CCDC174: variants seen among roughly 807,000 people sequenced by gnomAD.
CCDC174 encodes the protein coiled-coil domain-containing protein 174.
A neutral mutation model predicts 57.1 loss-of-function variants in CCDC174; 37 were observed. The observed-to-expected ratio is 0.65, with a 90% confidence interval of 0.50 to 0.85. CCDC174 has a LOEUF of 0.85. CCDC174 is among the 40% of genes least tolerant of loss of function. CCDC174 has a pLI of 0.00. For missense variants in CCDC174, 540 were observed against 574.3 expected, an observed-to-expected ratio of 0.94 and a Z score of 0.61; for synonymous variants, 182 against 190.2, an observed-to-expected ratio of 0.96 and a Z score of 0.35.
At chr3:14,653,658 T>TATTA (rs781259584) in intron 1 of CCDC174, among the ~76,000 whole-genome samples, 4 of 152,344 alleles carry the variant, frequency 2.6e-5, no homozygotes, top group Non-Finnish European at 2.9e-5. Flanking sequence ...AAGGTACTAA[T>TATTA]ATTCACCCAA....
At chr3:14,665,874 C>CA (rs376959519) in intron 6 of CCDC174, among the ~76,000 whole-genome samples, 68 of 141,550 alleles carry the variant, frequency 4.8e-4, no homozygotes, top group South Asian at 1.4e-3. Flanking sequence ...ACTGAAAATA[C>CA]AAAAAAAAAA....
rs1294970122 is a variant in CCDC174 at position 14,654,549 on chromosome 3, T to C, written c.147+19T>C. 8.5e-7 allele frequency: 1 copy of C among 1,171,338 alleles called. No homozygotes were observed. Among genetic ancestry groups the C allele is most frequent in the South Asian group, 1.3e-5 (1 of 76,210 alleles). 72.6% of individuals were successfully genotyped at this position (1,171,338 alleles called of 1,614,324 possible). On this transcript the variant is annotated intron_variant, in intron 2 of 10. Coordinates refer to ENST00000383794, the MANE Select transcript of CCDC174 (RefSeq NM_016474.5). ...TAACAAGGTAAAAAATAAGATCTAA[T>C]TATCTCCATTGGTTCCAAACATGGG...
chr3:14,657,672 A>G (rs549564950), intron 3 of CCDC174, among the ~76,000 whole-genome samples: 1 of 152,100 alleles, frequency 6.6e-6, no homozygotes, highest in Admixed American at 6.5e-5. Context: ...TCTATTTTGC[A>G]CCATTCTCTA....
rs2031131378 is a variant in CCDC174 at position 14,661,451 on chromosome 3, C to T, written c.308-79C>T. The T allele has an allele frequency of 1.5e-5, 19 of 1,233,604 alleles. No individual in the cohort carries two copies. In the East Asian group the frequency reaches 4.5e-4, roughly 29 times the overall value. The allele number at this position is 1,233,604 out of a possible 1,614,324, so 76.4% of individuals were successfully genotyped here. On this transcript the variant is annotated intron_variant, in intron 4 of 10. Transcript: ENST00000383794. ...TGTCAGGGGTGATGGGGCCACCAGG[C>T]AATGAATGTGACTGCTTCTTGTCCA...
Position 14,666,951 on chromosome 3 carries a change from T to C in CCDC174, c.724+4T>C. The C allele has an allele frequency of 6.4e-7, 1 of 1,571,852 alleles. No homozygotes were observed. The highest frequency in any genetic ancestry group is 8.6e-7 in the Non-Finnish European group (1 of 1,166,900). On this transcript the variant is annotated splice_donor_region_variant and intron_variant, in intron 7 of 10. Transcript: ENST00000383794. ...TATGAAGACATTCGGGAAAATGGTA[T>C]GACTATTTTCTTGCAGCTTTGCAAA...
intron 4 of CCDC174, 105 bp downstream of exon 4, chr3:14,659,034 C>T (rs996839068): frequency 2.6e-5 from 29 of 1,128,864 alleles, no homozygotes; most frequent in Admixed American, 9.6e-5. Flanking sequence ...AAAATTTAGA[C>T]GTCAAAATTT....
chr3:14,668,131 A>C lies in CCDC174; in HGVS notation c.902A>C (p.Gln301Pro). 6.2e-7 allele frequency: 1 copy of C among 1,610,670 alleles called. No homozygotes were observed. Among genetic ancestry groups the C allele is most frequent in the South Asian group, 1.1e-5 (1 of 90,366 alleles). Residue 301 changes from glutamine (Q) to proline (P), a missense_variant, in exon 9 of 11, where the codon CAA becomes CCA. Coordinates refer to ENST00000383794, the MANE Select transcript of CCDC174 (RefSeq NM_016474.5). ...GAGGCAAGACTTGCCAAACTTCGAC[A>C]AAAAAAGATGAAAAAATCAAAAGAA... ...ILEARLAKLR[Q>P]KKMKKSKEGG... is the part of the protein sequence containing the mutation.
chr3:14,665,205 T>A, intron 6 of CCDC174, 82 bp downstream of exon 6: 1 of 920,366 alleles, frequency 1.1e-6, no homozygotes, highest in Non-Finnish European at 1.8e-6. Flanking sequence ...GGCTGTTTTA[T>A]AATTAATGAT....
chr3:14,668,744 AG>A (rs2031421750), intron 9 of CCDC174, among the ~76,000 whole-genome samples: 1 of 152,204 alleles, frequency 6.6e-6, no homozygotes, highest in Non-Finnish European at 1.5e-5. Flanking sequence ...CCATCAATCT[AG>A]AGACTCCTAC....
At chr3:14,670,591 C>T (rs951829) in intron 10 of CCDC174, among the ~76,000 whole-genome samples, 1 of 152,114 alleles carries the variant, frequency 6.6e-6, no homozygotes, top group East Asian at 1.9e-4. Flanking sequence ...AACTCAATAA[C>T]GGACAAAATT....
Position 14,671,209 on chromosome 3 carries a change from C to A in CCDC174, c.*15C>A. 1 of 1,596,012 alleles carries A rather than the reference C, an allele frequency of 6.3e-7. No homozygotes were observed. Among genetic ancestry groups the A allele is most frequent in the Non-Finnish European group, 8.6e-7 (1 of 1,168,832 alleles). On this transcript the variant is annotated 3_prime_UTR_variant, in exon 11 of 11. Coordinates refer to ENST00000383794, the MANE Select transcript of CCDC174 (RefSeq NM_016474.5). ...AAGTGACATGATCTTTCAAAGCACG[C>A]TGACTTGGGTTTGTACTTTGACAGT...
intron 4 of CCDC174, among the ~76,000 whole-genome samples, chr3:14,660,338 T>C (rs1201327354): frequency 6.6e-6 from 1 of 152,162 alleles, no homozygotes; most frequent in African/African-American, 2.4e-5. Flanking sequence ...ACTCCATCTC[T>C]ACTAAAAATA....
Position 14,672,085 on chromosome 3 carries a change from G to C in CCDC174, c.*891G>C, listed in dbSNP as rs1049950015. On this transcript the variant is annotated 3_prime_UTR_variant, in exon 11 of 11. Transcript: ENST00000383794. ...TCCAGAAAGTCAGCAGTGTGCCTGG[G>C]CACCCACCCCATCCTCTACCTGCCA... 6.6e-6 allele frequency: 1 copy of C among 152,458 alleles called. No individual in the cohort carries two copies. Among genetic ancestry groups the C allele is most frequent in the African/African-American group, 2.4e-5 (1 of 41,458 alleles). The allele number at this position is 152,458 out of a possible 1,614,324, so 9.4% of individuals were successfully genotyped here.
In CCDC174 at chr3:14,655,428, A is replaced by G. The variant is rs890260549; in HGVS notation, c.148-101A>G. ...TATCTAGTTATCTCCATTGATTCAT[A>G]AGAACTCATGATCTCCTTTGTTTTT... On this transcript the variant is annotated intron_variant, in intron 2 of 10. Transcript: ENST00000383794. The G allele has an allele frequency of 8.2e-5, 56 of 681,624 alleles. No homozygotes were observed. The African/African-American group carries it at 9.4e-4, about 11-fold the overall frequency. The allele number at this position is 681,624 out of a possible 1,614,324, so 42.2% of individuals were successfully genotyped here. A position where few individuals can be genotyped will look rare whatever the true frequency, so the allele number is the denominator to read the frequency against.
Position 14,671,672 on chromosome 3 carries a change from C to T in CCDC174, c.*478C>T, listed in dbSNP as rs1272371876. Reference sequence around the variant, plus strand: ...TGCATGGGAGGCAAAATGCTCTGTTCTCCAAGAGGACCCGGAAGTAATCAC... The same window carrying T: ...TGCATGGGAGGCAAAATGCTCTGTTTTCCAAGAGGACCCGGAAGTAATCAC... On this transcript the variant is annotated 3_prime_UTR_variant, in exon 11 of 11. Transcript: ENST00000383794. 1 of 154,028 alleles carries T rather than the reference C, an allele frequency of 6.5e-6. No homozygotes were observed. Among genetic ancestry groups the T allele is most frequent in the Non-Finnish European group, 1.4e-5 (1 of 69,416 alleles). 9.5% of individuals were successfully genotyped at this position (154,028 alleles called of 1,614,324 possible).
In CCDC174 at chr3:14,671,255, G is replaced by A. The variant is rs1166707435; in HGVS notation, c.*61G>A. ...ACAGTGCCTTTCTCTCCCAGAGGGA[G>A]AAATAACTTTAGGAACTGAATTGTA... On this transcript the variant is annotated 3_prime_UTR_variant, in exon 11 of 11. Coordinates refer to ENST00000383794, the MANE Select transcript of CCDC174 (RefSeq NM_016474.5). 1 of 1,485,752 alleles carries A rather than the reference G, an allele frequency of 6.7e-7. No homozygotes were observed. The highest frequency in any genetic ancestry group is 2.3e-5 in the East Asian group (1 of 43,906). The allele number at this position is 1,485,752 out of a possible 1,614,324, so 92.0% of individuals were successfully genotyped here. A position where few individuals can be genotyped will look rare whatever the true frequency, so the allele number is the denominator to read the frequency against.
At position 14,671,411 on chromosome 3, in the gene CCDC174, G is replaced by A. The variant is rs2031509078; in HGVS notation, c.*217G>A. 1.9e-6 allele frequency: 1 copy of A among 531,228 alleles called. No homozygotes were observed. The highest frequency in any genetic ancestry group is 3.0e-5 in the East Asian group (1 of 33,294). The allele number at this position is 531,228 out of a possible 1,614,324, so 32.9% of individuals were successfully genotyped here. ...AGTGGGATAGGGACATACCTACCTG[G>A]ATTTACATGTGAGCTGCGATAGAAT... On this transcript the variant is annotated 3_prime_UTR_variant, in exon 11 of 11. Coordinates refer to ENST00000383794, the MANE Select transcript of CCDC174 (RefSeq NM_016474.5).
rs1469447765 is a variant in CCDC174 at position 14,659,219 on chromosome 3, G to A, written c.307+290G>A. ...GTGGAGGAAAATGACACAGAACAAA[G>A]CAAAGTTAGGGAACAATGTCTGAGT... is the stretch of plus-strand genomic sequence containing the variant. On this transcript the variant is annotated intron_variant, in intron 4 of 10. Coordinates refer to ENST00000383794, the MANE Select transcript of CCDC174 (RefSeq NM_016474.5). 2.1e-5 allele frequency among the ~76,000 whole-genome samples: 3 copies of A among 142,736 alleles called. No individual in the cohort carries two copies. The East Asian group carries it at 7.2e-4, about 34-fold the overall frequency. The allele number at this position is 142,736 out of a possible 152,430, so 93.6% of individuals were successfully genotyped here. A position where few individuals can be genotyped will look rare whatever the true frequency, so the allele number is the denominator to read the frequency against.
chr3:14,669,253 G>A (rs2031443462), intron 9 of CCDC174, among the ~76,000 whole-genome samples: 1 of 152,160 alleles, frequency 6.6e-6, no homozygotes, highest in South Asian at 2.1e-4. Context: ...GAAGCCATGG[G>A]CCATTTCCTA....
Sources: allele counts gnomAD v4.1 joint callset (sites outside exome capture counted in the v4.1 genomes callset), GRCh38; gene constraint gnomAD v4.1.1; transcripts MANE v1.5; gene names NCBI Gene and HGNC (gene_info 2026-07-23, HGNC 2026-07-21).